The following TBL1X variants were observed in gnomAD, a reference collection of about 807,000 sequenced individuals.
TBL1X encodes transducin beta like 1 X-linked, also known as F-box-like/WD repeat-containing protein TBL1X.
Under a neutral mutation model 50.7 loss-of-function variants are expected in TBL1X, and 10 were observed. The observed-to-expected ratio is 0.20, with a 90% CI of 0.12 to 0.33. The LOEUF (loss-of-function observed/expected upper bound fraction) is 0.33. Among genes scored for constraint, TBL1X ranks in the 10% least tolerant of loss-of-function variants. The pLI, the probability that TBL1X is intolerant of heterozygous loss-of-function variation, is 1.00. For missense variants in TBL1X, 340 were observed against 504.4 expected (o/e 0.67, Z 3.12); for synonymous variants, 190 against 214.7 (o/e 0.88, Z 1.01).
rs747527502 is a variant in TBL1X at position 9,693,172 on chromosome X, G to C, written c.915G>C (p.Thr305=). 7.4e-6 allele frequency: 9 copies of C among 1,209,585 alleles called. No homozygotes were observed. Among genetic ancestry groups the C allele is most frequent in the Admixed American group, 2.2e-5 (1 of 45,672 alleles). Residue 305 remains threonine, a synonymous_variant, in exon 10 of 18, where the codon ACG becomes ACC. Transcript: ENST00000645353. The part of the protein sequence containing the change: ...DWNTNGTLLA[T]GSYDGFARIW... ...AGACCAATGGAACACTCTTGGCTAC[G>C]GGTTCATATGACGGTTTTGCAAGAA...
chrX:9,521,675 A>G (rs776660673), intron 2 of TBL1X, among the ~76,000 whole-genome samples: 1 of 112,051 alleles, frequency 8.9e-6, no homozygotes, highest in South Asian at 3.7e-4. Flanking sequence ...TGGGTTTTGC[A>G]TCCCCAGATA....
chrX:9,600,476 G>C (rs1170119243), intron 2 of TBL1X, among the ~76,000 whole-genome samples: 1 of 36,059 alleles, frequency 2.8e-5, no homozygotes, highest in Non-Finnish European at 4.6e-5. Context: ...GGGCGGGGGG[G>C]GGGGTACACA....
At position 9,711,711 on chromosome X, in the gene TBL1X, A is replaced by C; in HGVS notation, c.1540A>C (p.Ser514Arg). The C allele has an allele frequency of 8.3e-7, 1 of 1,209,396 alleles. No homozygotes were observed. Among genetic ancestry groups the C allele is most frequent in the Non-Finnish European group, 1.1e-6 (1 of 893,989 alleles). The change falls in exon 16 of 18, where the codon AGC (serine) becomes CGC (arginine). Residue 514 changes from serine (S) to arginine (R), a missense_variant. Coordinates refer to ENST00000645353, the MANE Select transcript of TBL1X (RefSeq NM_005647.4). The stretch of plus-strand genomic sequence containing the variant: ...GGAGCCTGTCTATAGCGTAGCTTTC[A>C]GCCCTGATGGGAAGTACTTGGCCAG... ...HQEPVYSVAF[S>R]PDGKYLASGS...
Position 9,716,500 on chromosome X carries a change from G to A in TBL1X, c.*254G>A. 1 of 289,127 alleles carries A rather than the reference G, an allele frequency of 3.5e-6. No individual in the cohort carries two copies. Among genetic ancestry groups the A allele is most frequent in the Admixed American group, 5.7e-5 (1 of 17,629 alleles). 23.8% of individuals were successfully genotyped at this position (289,127 alleles called of 1,213,427 possible). On this transcript the variant is annotated 3_prime_UTR_variant, in exon 18 of 18. Coordinates refer to ENST00000645353, the MANE Select transcript of TBL1X (RefSeq NM_005647.4). The stretch of plus-strand genomic sequence containing the variant: ...TTTCCACTGAGGACATTCAGCCTGG[G>A]AAGGAGGAAGTCACCAGCTCGAGGC...
At chrX:9,709,206 C>T in intron 13 of TBL1X, 42 bp from the exon 14 acceptor site, 1 of 1,183,323 alleles carries the variant, frequency 8.5e-7, no homozygotes, top group Non-Finnish European at 1.1e-6. Context: ...CATCTACTCA[C>T]AGGCCCTGAT....
chrX:9,495,938 C>T (rs2081969139), intron 1 of TBL1X, among the ~76,000 whole-genome samples: 1 of 112,274 alleles, frequency 8.9e-6, no homozygotes, highest in African/African-American at 3.2e-5. Flanking sequence ...TTGAGAATGA[C>T]CATGAAAGCG....
At chrX:9,586,040 G>T (rs1055261988) in intron 2 of TBL1X, among the ~76,000 whole-genome samples, 1 of 112,223 alleles carries the variant, frequency 8.9e-6, no homozygotes, top group Non-Finnish European at 1.9e-5. Context: ...GAACTCTTAT[G>T]CACTATTGGA....
intron 2 of TBL1X, among the ~76,000 whole-genome samples, chrX:9,523,541 G>C (rs947871088): frequency 1.8e-5 from 2 of 112,513 alleles, no homozygotes; most frequent in African/African-American, 6.5e-5. Flanking sequence ...ACTTGGCAGG[G>C]TCCTGTCTTT....
intron 1 of TBL1X, among the ~76,000 whole-genome samples, chrX:9,478,694 C>T (rs1300296531): frequency 8.9e-6 from 1 of 112,215 alleles, no homozygotes; most frequent in Non-Finnish European, 1.9e-5. Context: ...TACGCAGATT[C>T]CCAGTTACTC....
intron 2 of TBL1X, among the ~76,000 whole-genome samples, chrX:9,534,191 C>G (rs1266896343): frequency 8.9e-6 from 1 of 111,746 alleles, no homozygotes; most frequent in African/African-American, 3.3e-5. Context: ...CTCCCTTTCA[C>G]TGTGTCTACA....
intron 2 of TBL1X, among the ~76,000 whole-genome samples, chrX:9,534,099 G>T (rs1167452611): frequency 1.8e-5 from 2 of 111,705 alleles, no homozygotes; most frequent in Non-Finnish European, 3.8e-5. Flanking sequence ...GTATCAAATT[G>T]TCTTTTCCTG....
intron 2 of TBL1X, among the ~76,000 whole-genome samples, chrX:9,591,549 A>T (rs1007546978): frequency 8.9e-6 from 1 of 112,419 alleles, no homozygotes; most frequent in Admixed American, 9.4e-5. Context: ...TGTGCAGGTT[A>T]TAACAGGTAA....
chrX:9,569,402 C>G (rs1341557710), intron 2 of TBL1X, among the ~76,000 whole-genome samples: 2 of 108,584 alleles, frequency 1.8e-5, no homozygotes, highest in Non-Finnish European at 3.8e-5. Context: ...TGCTGTGTGT[C>G]TGTGTGGTGT....
intron 2 of TBL1X, among the ~76,000 whole-genome samples, chrX:9,521,461 C>T (rs963443131): frequency 2.7e-5 from 3 of 111,484 alleles, no homozygotes; most frequent in Admixed American, 9.5e-5. Context: ...ATGACCCCTG[C>T]GTAGAATCAG....
chrX:9,665,489 CTATATATATATATATATA>C (rs56756151), intron 5 of TBL1X, among the ~76,000 whole-genome samples: 706 of 19,793 alleles, frequency 0.036, 59 homozygotes, highest in African/African-American at 0.079. Context: ...GATATTCAAG[CTATATATATATATATATA>C]TATATATATA....
intron 2 of TBL1X, among the ~76,000 whole-genome samples, chrX:9,578,641 C>G (rs2082424812): frequency 8.9e-6 from 1 of 111,849 alleles, no homozygotes; most frequent in African/African-American, 3.3e-5. Flanking sequence ...TTGCCTGTGG[C>G]AGATGCAGGG....
At chrX:9,649,413 G>C (rs750571516) in intron 3 of TBL1X, among the ~76,000 whole-genome samples, 5 of 111,724 alleles carry the variant, frequency 4.5e-5, no homozygotes, top group Non-Finnish European at 7.5e-5. Flanking sequence ...TTTTTGTTTT[G>C]TTTTCTCTTC....
intron 2 of TBL1X, among the ~76,000 whole-genome samples, chrX:9,598,183 G>A (rs1364574506): frequency 9.0e-6 from 1 of 111,557 alleles, no homozygotes; most frequent in Non-Finnish European, 1.9e-5. Flanking sequence ...ACGCCTTGAT[G>A]TCTCTGAATT....
intron 2 of TBL1X, among the ~76,000 whole-genome samples, chrX:9,535,562 A>G (rs1028799784): frequency 8.9e-6 from 1 of 112,624 alleles, no homozygotes; most frequent in Non-Finnish European, 1.9e-5. Context: ...ACAAACTTCT[A>G]AAGATGCGAT....
Sources: allele counts gnomAD v4.1 joint callset (sites outside exome capture counted in the v4.1 genomes callset), GRCh38; gene constraint gnomAD v4.1.1; transcripts MANE v1.5; gene names NCBI Gene and HGNC (gene_info 2026-07-23, HGNC 2026-07-21).